Variants in LTBP1 observed in about 807,000 individuals in gnomAD.
The protein encoded by LTBP1 is latent transforming growth factor beta binding protein 1.
Under a neutral mutation model 207.6 loss-of-function variants are expected in LTBP1, and 129 were observed. That is an observed-to-expected ratio of 0.62 (90% CI 0.54 to 0.72). The LOEUF is 0.72. LTBP1 is among the 30% of genes least tolerant of loss of function. LTBP1 has a pLI of 0.00. For missense variants in LTBP1, 2,281 were observed against 2,217.2 expected, an observed-to-expected ratio of 1.03 and a Z score of -0.58; for synonymous variants, 963 against 833.7, an observed-to-expected ratio of 1.16 and a Z score of -2.67.
intron 2 of LTBP1, among the ~76,000 whole-genome samples, chr2:32,968,431 A>G (rs1185837173): frequency 6.6e-6 from 1 of 152,224 alleles, no homozygotes; most frequent in Non-Finnish European, 1.5e-5. Flanking sequence ...TGAAACTAAC[A>G]TAGCTATTTC....
intron 31 of LTBP1, 93 bp from the exon 32 acceptor site, chr2:33,389,091 T>C: frequency 6.4e-7 from 1 of 1,558,306 alleles, no homozygotes; most frequent in Non-Finnish European, 8.8e-7. Flanking sequence ...TGGAAGGGTG[T>C]GCTGGCAGAT....
chr2:32,977,999 A>G (rs1228418387), intron 2 of LTBP1, among the ~76,000 whole-genome samples: 1 of 151,914 alleles, frequency 6.6e-6, no homozygotes, highest in Non-Finnish European at 1.5e-5. Flanking sequence ...TACTTTCTTG[A>G]TTTCTTTTTC....
chr2:33,182,725 CACACACACACAGACAT>C lies in LTBP1; in HGVS notation c.1202-4129_1202-4114del, dbSNP rs749713567. On this transcript the variant is annotated intron_variant, in intron 5 of 33. Coordinates refer to ENST00000404816, the MANE Select transcript of LTBP1 (RefSeq NM_206943.4). ...ACACACACACACACACACACACACA[CACACACACACAGACAT>C]ATATATGTATGTATGTGTACACATA... 1.3e-3 allele frequency among the ~76,000 whole-genome samples: 123 copies of C among 94,448 alleles called. 20 individuals carry two copies. The highest frequency in any genetic ancestry group is 5.6e-3 in the African/African-American group (121 of 21,652). The allele number at this position is 94,448 out of a possible 152,430, so 62.0% of individuals were successfully genotyped here. A position where few individuals can be genotyped will look rare whatever the true frequency, so the allele number is the denominator to read the frequency against.
chr2:33,331,037 C>T (rs1326802063), intron 24 of LTBP1, among the ~76,000 whole-genome samples: 4 of 151,588 alleles, frequency 2.6e-5, no homozygotes, highest in Non-Finnish European at 4.4e-5. Flanking sequence ...GGTAAAATTT[C>T]GTTTTTATTT....
chr2:33,206,077 A>G (rs927119262), intron 7 of LTBP1, among the ~76,000 whole-genome samples: 6 of 152,184 alleles, frequency 3.9e-5, no homozygotes, highest in Admixed American at 3.9e-4. Context: ...TCTAACACAT[A>G]GTTTTGGAGC....
intron 31 of LTBP1, among the ~76,000 whole-genome samples, chr2:33,382,419 T>C (rs1161492475): frequency 6.6e-6 from 1 of 152,000 alleles, no homozygotes; most frequent in Non-Finnish European, 1.5e-5. Flanking sequence ...CTTTCTTATC[T>C]ATTATACATG....
Position 33,109,540 on chromosome 2 carries a change from T to C in LTBP1, c.864-1042T>C, listed in dbSNP as rs939559042. 7.9e-5 allele frequency among the ~76,000 whole-genome samples: 12 copies of C among 152,324 alleles called. No homozygotes were observed. The East Asian group carries it at 1.9e-3, about 24-fold the overall frequency. ...GGCTTATTTTAAAATATGAATTAGA[T>C]GCAGTGGAAGAGAATTGTCACAGAA... On this transcript the variant is annotated intron_variant, in intron 3 of 33. Transcript: ENST00000404816.
Position 32,947,453 on chromosome 2 carries a change from G to GC in LTBP1, c.133dup (p.Leu45ProfsTer110). 6.9e-7 allele frequency: 1 copy of GC among 1,443,020 alleles called. No homozygotes were observed. The highest frequency in any genetic ancestry group is 9.1e-7 in the Non-Finnish European group (1 of 1,100,520). The allele number at this position is 1,443,020 out of a possible 1,614,324, so 89.4% of individuals were successfully genotyped here. A position where few individuals can be genotyped will look rare whatever the true frequency, so the allele number is the denominator to read the frequency against. On this transcript the variant is annotated frameshift_variant, in exon 1 of 34. Coordinates refer to ENST00000404816, the MANE Select transcript of LTBP1 (RefSeq NM_206943.4). LOFTEE classifies it high-confidence loss of function. ...GCCCCGGCCTGGCAGCCGGCGCCTT[G>GC]CCCCTGAGCGGGCCCCCGCGTTCGC...
At chr2:33,036,450 A>C (rs1183892834) in intron 3 of LTBP1, among the ~76,000 whole-genome samples, 1 of 145,728 alleles carries the variant, frequency 6.9e-6, no homozygotes, top group Non-Finnish European at 1.5e-5. Context: ...CAGGGTCATG[A>C]TGAACGTTTT....
At chr2:33,152,292 A>G (rs1459544066) in intron 5 of LTBP1, among the ~76,000 whole-genome samples, 1 of 152,248 alleles carries the variant, frequency 6.6e-6, no homozygotes, top group Non-Finnish European at 1.5e-5. Context: ...GATGATATAC[A>G]GATGGCCAAC....
intron 22 of LTBP1, among the ~76,000 whole-genome samples, chr2:33,305,195 G>A (rs187951794): frequency 1.3e-5 from 2 of 152,046 alleles, no homozygotes; most frequent in African/African-American, 4.8e-5. Context: ...GTGGCGGCGT[G>A]TGCCTGTAGT....
intron 33 of LTBP1, among the ~76,000 whole-genome samples, 195 bp downstream of exon 33, chr2:33,397,477 A>G (rs896025848): frequency 7.3e-5 from 11 of 150,756 alleles, no homozygotes; most frequent in Non-Finnish European, 1.5e-4. Context: ...TTAAAATGGT[A>G]AATATGTTCT....
chr2:33,157,970 T>C (rs2084116964), intron 5 of LTBP1, among the ~76,000 whole-genome samples: 1 of 151,922 alleles, frequency 6.6e-6, no homozygotes, highest in African/African-American at 2.4e-5. Context: ...GGGGAAACCC[T>C]ACTAAAAATA....
chr2:32,947,924 C>A (rs1676489899), intron 1 of LTBP1, 106 bp downstream of exon 1: 21 of 1,029,582 alleles, frequency 2.0e-5, no homozygotes, highest in Non-Finnish European at 2.5e-5. Context: ...CCAGGGCGGT[C>A]GCGCGCGGTG....
intron 7 of LTBP1, among the ~76,000 whole-genome samples, chr2:33,191,063 A>G (rs1021682215): frequency 2.0e-5 from 3 of 152,186 alleles, no homozygotes; most frequent in Admixed American, 6.5e-5. Flanking sequence ...TGCATTGTTT[A>G]TTCATTCCAG....
chr2:33,236,745 T>C (rs1371707919), intron 9 of LTBP1, among the ~76,000 whole-genome samples: 2 of 152,216 alleles, frequency 1.3e-5, no homozygotes, highest in Non-Finnish European at 2.9e-5. Context: ...ACTGTGAATA[T>C]TTCAAGGAGA....
chr2:33,347,674 G>C (rs1205935091), intron 26 of LTBP1, among the ~76,000 whole-genome samples, 164 bp downstream of exon 26: 1 of 152,226 alleles, frequency 6.6e-6, no homozygotes, highest in Non-Finnish European at 1.5e-5. Flanking sequence ...TGCCTTGTCA[G>C]TGGAATTAAG....
At chr2:33,396,092 C>T (rs1488380906) in intron 32 of LTBP1, among the ~76,000 whole-genome samples, 1 of 151,874 alleles carries the variant, frequency 6.6e-6, no homozygotes, top group Non-Finnish European at 1.5e-5. Flanking sequence ...AAGTCTAGCT[C>T]TGACTTGGTT....
At chr2:33,212,739 A>T (rs908258932) in intron 7 of LTBP1, among the ~76,000 whole-genome samples, 1 of 152,198 alleles carries the variant, frequency 6.6e-6, no homozygotes, top group Middle Eastern at 3.2e-3. Context: ...AAGCATCCCA[A>T]ATCCAACAAT....
Sources: allele counts gnomAD v4.1 joint callset (sites outside exome capture counted in the v4.1 genomes callset), GRCh38; gene constraint gnomAD v4.1.1; transcripts MANE v1.5; gene names NCBI Gene and HGNC (gene_info 2026-07-23, HGNC 2026-07-21).